AVEN: variants seen among roughly 807,000 people sequenced by gnomAD.
AVEN encodes apoptosis and caspase activation inhibitor.
A neutral mutation model predicts 38.1 loss-of-function variants in AVEN; 41 were observed. The observed-to-expected ratio is 1.08, with a 90% CI of 0.84 to 1.40. The LOEUF is 1.40. Ranked by LOEUF, AVEN falls within the 40% of genes most tolerant of loss-of-function variation. AVEN has a pLI of 0.00. For synonymous variants in AVEN, 206 were observed against 171.8 expected, an observed-to-expected ratio of 1.20 and a Z score of -1.56; for missense variants, 605 against 438.8, an observed-to-expected ratio of 1.38 and a Z score of -3.38.
At position 34,063,176 on chromosome 15, in the gene AVEN, G is replaced by T; in HGVS notation, n.1383C>A. ...AAAGGGCTGGCATCATGATTGGCTTGGCCTGGCTGATCTCCTTCATCCTCT... is the reference window on the plus strand; with the variant it reads ...AAAGGGCTGGCATCATGATTGGCTTTGCCTGGCTGATCTCCTTCATCCTCT... On this transcript the variant is annotated non_coding_transcript_exon_variant, in exon 5 of 12. Transcript: ENST00000675287. This position sits in a 1 kb window ranked among gnomAD's most constrained non-coding sequence, Gnocchi z 4.1. The T allele has an allele frequency of 6.2e-7, 1 of 1,614,132 alleles. No homozygotes were observed. Among genetic ancestry groups the T allele is most frequent in the Non-Finnish European group, 8.5e-7 (1 of 1,180,030 alleles).
rs756240106 is a variant in AVEN, at chr15:33,866,371, G to GTCTA, written c.*238_*241dup. 8 of 545,824 alleles carry GTCTA rather than the reference G, an allele frequency of 1.5e-5. No homozygotes were observed. The highest frequency in any genetic ancestry group is 3.8e-5 in the African/African-American group (2 of 52,958). The allele number at this position is 545,824 out of a possible 1,614,324, so 33.8% of individuals were successfully genotyped here. A position where few individuals can be genotyped will look rare whatever the true frequency, so the allele number is the denominator to read the frequency against. ...AAGGAGGCTAGAAACAAGGGCCAGA[G>GTCTA]TCTATCTCCTGCCCTTAAGGAAATC... On this transcript the variant is annotated 3_prime_UTR_variant, in exon 6 of 6. Coordinates refer to ENST00000306730, the MANE Select transcript of AVEN (RefSeq NM_020371.3).
chr15:33,867,698 T>G lies in AVEN; in HGVS notation c.770A>C (p.Lys257Thr). Residue 257 changes from lysine (K) to threonine (T), a missense_variant, in exon 5 of 6, where the codon AAA becomes ACA. Transcript: ENST00000306730. ...TGAAGGACCCGGGCTTGGGTTGTCT[T>G]TGCCCAGCAACACAGGGCAGCCAGC... is the stretch of plus-strand genomic sequence containing the variant. ...VAAGCPVLLG[K>T]DNPSPGPSRD... The G allele has an allele frequency of 6.2e-7, 1 of 1,614,182 alleles. No individual in the cohort carries two copies. Among genetic ancestry groups the G allele is most frequent in the Non-Finnish European group, 8.5e-7 (1 of 1,180,024 alleles).
chr15:34,053,319 A>AATATATATATATATATAT (rs71119922), intron 5 of AVEN, among the ~76,000 whole-genome samples: 14 of 42,064 alleles, frequency 3.3e-4, no homozygotes, highest in African/African-American at 1.0e-3. Flanking sequence ...AAAAAAAAAA[A>AATATATATATATATATAT]ATATATATAT....
At chr15:33,897,603 C>T (rs1003592393) in intron 2 of AVEN, among the ~76,000 whole-genome samples, 4 of 152,086 alleles carry the variant, frequency 2.6e-5, no homozygotes, top group African/African-American at 9.6e-5. Context: ...AGCTGCCAGG[C>T]CTGGTGGCTC....
intron 2 of AVEN, among the ~76,000 whole-genome samples, chr15:33,931,160 T>C (rs1415136228): frequency 2.6e-5 from 4 of 151,978 alleles, no homozygotes; most frequent in Non-Finnish European, 5.9e-5. Context: ...TTATCTATAG[T>C]CTAAATTAGA....
chr15:33,861,192 G>T (rs1888064073), intron 11 of AVEN: 5 of 1,552,322 alleles, frequency 3.2e-6, no homozygotes, highest in Non-Finnish European at 4.4e-6. Context: ...AGTATTCTTG[G>T]TTAACAAAAG....
chr15:33,866,988 A>T (rs971831512), intron 5 of AVEN, among the ~76,000 whole-genome samples: 12 of 151,990 alleles, frequency 7.9e-5, no homozygotes, highest in Admixed American at 3.3e-4. Context: ...TTATTATTGC[A>T]GCAGTCCTGG....
At chr15:33,884,260 A>G (rs1442871298) in intron 2 of AVEN, among the ~76,000 whole-genome samples, 9 of 152,200 alleles carry the variant, frequency 5.9e-5, no homozygotes, top group Non-Finnish European at 1.3e-4. Flanking sequence ...AATGCTCAGG[A>G]AATATTTTAT....
intron 2 of AVEN, among the ~76,000 whole-genome samples, chr15:33,974,802 G>T (rs563792121): frequency 6.6e-6 from 1 of 152,002 alleles, no homozygotes; most frequent in Non-Finnish European, 1.5e-5. Context: ...TTGAAACCCC[G>T]TTTCTAATAA....
chr15:33,907,788 T>TAA (rs796352918), intron 2 of AVEN, among the ~76,000 whole-genome samples: 41 of 107,732 alleles, frequency 3.8e-4, no homozygotes, highest in Admixed American at 5.8e-4. Flanking sequence ...TTCCCAGCAC[T>TAA]AAAAAAAAAA....
intron 2 of AVEN, among the ~76,000 whole-genome samples, chr15:33,987,557 T>A (rs1214381248): frequency 6.6e-6 from 1 of 152,126 alleles, no homozygotes; most frequent in African/African-American, 2.4e-5. Context: ...ATCCCCTTCT[T>A]CTCAGGCCAG....
At chr15:33,906,233 G>C (rs1041557810) in intron 2 of AVEN, among the ~76,000 whole-genome samples, 10 of 152,122 alleles carry the variant, frequency 6.6e-5, no homozygotes, top group African/African-American at 2.2e-4. Flanking sequence ...ACAACAAAGA[G>C]GAAATGAAAC....
chr15:33,897,347 G>C (rs763936081), intron 2 of AVEN, among the ~76,000 whole-genome samples: 2 of 152,024 alleles, frequency 1.3e-5, no homozygotes, highest in Admixed American at 1.3e-4. Flanking sequence ...GCCCAGGCTA[G>C]AGTGCAGTGG....
exon 1 of AVEN, among the ~76,000 whole-genome samples, chr15:34,075,050 G>A (rs1361269658): frequency 6.6e-6 from 1 of 151,896 alleles, no homozygotes; most frequent in East Asian, 1.9e-4. Context: ...GGTGGCACAC[G>A]CCTGTAGTCC....
intron 2 of AVEN, among the ~76,000 whole-genome samples, chr15:33,885,177 A>G (rs973939303): frequency 6.6e-6 from 1 of 152,208 alleles, no homozygotes; most frequent in South Asian, 2.1e-4. Flanking sequence ...AGAAGACCCC[A>G]ATCTTCACAG....
intron 2 of AVEN, among the ~76,000 whole-genome samples, chr15:33,901,753 C>A (rs1357838515): frequency 6.6e-6 from 1 of 152,146 alleles, no homozygotes; most frequent in East Asian, 1.9e-4. Flanking sequence ...TGTGTTTCCC[C>A]AATGATTAGT....
At chr15:34,047,857 T>C (rs902773835) in intron 5 of AVEN, among the ~76,000 whole-genome samples, 1 of 152,042 alleles carries the variant, frequency 6.6e-6, no homozygotes, top group Non-Finnish European at 1.5e-5. Flanking sequence ...CAAGTAATCC[T>C]CCCACCTCAG....
chr15:34,004,192 AG>A (rs1188815588), intron 1 of AVEN, among the ~76,000 whole-genome samples: 1 of 152,264 alleles, frequency 6.6e-6, no homozygotes, highest in Non-Finnish European at 1.5e-5. Context: ...GGTATAAAAA[AG>A]TTCCCTGTAT....
intron 2 of AVEN, among the ~76,000 whole-genome samples, chr15:34,068,465 G>A (rs894489134): frequency 2.0e-5 from 3 of 152,026 alleles, no homozygotes; most frequent in South Asian, 4.2e-4. Context: ...ATTTGGCCTG[G>A]CAAAGTGCTG....
Sources: allele counts gnomAD v4.1 joint callset (sites outside exome capture counted in the v4.1 genomes callset), GRCh38; gene constraint gnomAD v4.1.1; non-coding constraint Gnocchi (gnomAD v3.1); transcripts MANE v1.5; gene names NCBI Gene and HGNC (gene_info 2026-07-23, HGNC 2026-07-21).